Variants in VPS37A observed in about 807,000 individuals in gnomAD.
VPS37A encodes VPS37A subunit of ESCRT-I, also known as vacuolar protein sorting-associated protein 37A.
A neutral mutation model predicts 49.8 loss-of-function variants in VPS37A; 30 were observed. The ratio of observed to expected loss-of-function variants is 0.60; its 90% CI spans 0.45 to 0.82. The LOEUF is 0.82. Among genes scored for constraint, VPS37A ranks in the 40% least tolerant of loss-of-function variants. The pLI, the probability that VPS37A is intolerant of heterozygous loss-of-function variation, is 0.00. For missense variants in VPS37A, 593 were observed against 464.4 expected (o/e 1.28, Z -2.55); for synonymous variants, 195 against 160.6 (o/e 1.21, Z -1.62).
At chr8:17,311,878 G>A in the VPS37A span, 6 of 508,892 alleles carry the variant, frequency 1.2e-5, no homozygotes, top group Admixed American at 3.4e-5. Flanking sequence ...TCCAATAAGC[G>A]CATGTACTTA....
At chr8:17,286,031 G>A (rs868180265) in intron 10 of VPS37A, among the ~76,000 whole-genome samples, 4 of 152,022 alleles carry the variant, frequency 2.6e-5, no homozygotes, top group South Asian at 4.1e-4. Flanking sequence ...CTGCCCAGTC[G>A]ACTGGGCTGA....
At chr8:17,249,285 T>C (rs2150340432) in intron 1 of VPS37A, among the ~76,000 whole-genome samples, 1 of 152,328 alleles carries the variant, frequency 6.6e-6, no homozygotes, top group Non-Finnish European at 1.5e-5. Context: ...ATTGTTAATG[T>C]AAAGAGTTCT....
At chr8:17,273,203 C>G (rs1420683214) in intron 4 of VPS37A, among the ~76,000 whole-genome samples, 1 of 151,818 alleles carries the variant, frequency 6.6e-6, no homozygotes, top group Non-Finnish European at 1.5e-5. Flanking sequence ...TGTTTTCTAA[C>G]CCTCCCTCAA....
chr8:17,296,745 AAAG>A lies in VPS37A; in HGVS notation c.*1762_*1764del, dbSNP rs1157404143. The stretch of plus-strand genomic sequence containing the variant: ...CCTTTTCACCAGAAAAACAGAAAAA[AAAG>A]AAACATTTTCTTACAGAGTAAAAAT... On this transcript the variant is annotated 3_prime_UTR_variant, in exon 12 of 12. Transcript: ENST00000324849. 6.6e-6 allele frequency: 1 copy of A among 152,250 alleles called. No homozygotes were observed. Among genetic ancestry groups the A allele is most frequent in the Non-Finnish European group, 1.5e-5 (1 of 68,036 alleles). 9.4% of individuals were successfully genotyped at this position (152,250 alleles called of 1,614,324 possible).
At chr8:17,283,330 AT>A (rs1815273540) in intron 9 of VPS37A, among the ~76,000 whole-genome samples, 1 of 151,930 alleles carries the variant, frequency 6.6e-6, no homozygotes, top group African/African-American at 2.4e-5. Context: ...TAATTTTTGT[AT>A]TTTTTGTAGA....
Position 17,281,919 on chromosome 8 carries a change from T to C in VPS37A, c.969+1476T>C, listed in dbSNP as rs909185879. ...TTTTCTAAGACTATTTAGAGCAGCA[T>C]AGAATATTCATTGAATGAAAGATCC... On this transcript the variant is annotated intron_variant, in intron 9 of 11. Transcript: ENST00000324849. 1.3e-4 allele frequency among the ~76,000 whole-genome samples: 20 copies of C among 152,094 alleles called. 1 individual carries two copies. Among genetic ancestry groups the C allele is most frequent in the African/African-American group, 4.8e-4 (20 of 41,464 alleles).
chr8:17,247,640 C>G (rs1438980959), intron 1 of VPS37A: 6 of 704,214 alleles, frequency 8.5e-6, no homozygotes, highest in African/African-American at 3.5e-5. Flanking sequence ...TGTAATCTCT[C>G]AATCTCTCTC....
intron 1 of VPS37A, among the ~76,000 whole-genome samples, chr8:17,249,931 A>G (rs1388761033): frequency 1.3e-5 from 2 of 152,204 alleles, no homozygotes; most frequent in Non-Finnish European, 2.9e-5. Context: ...ATTGGACAAA[A>G]AGAGTATGGT....
intron 1 of VPS37A, among the ~76,000 whole-genome samples, chr8:17,264,594 A>G (rs530647169): frequency 2.6e-5 from 4 of 152,234 alleles, no homozygotes; most frequent in East Asian, 1.9e-4. Context: ...CTTTTAAGCT[A>G]TCTTAAGATT....
chr8:17,271,483 G>GT (rs1813986398), intron 4 of VPS37A, among the ~76,000 whole-genome samples: 1 of 152,118 alleles, frequency 6.6e-6, no homozygotes. Context: ...GTGGGCACCT[G>GT]TAGTCCCAGC....
downstream of VPS37A, chr8:17,299,772 A>G (rs902161286): frequency 1.8e-5 from 28 of 1,534,204 alleles, no homozygotes; most frequent in Non-Finnish European, 2.4e-5. Flanking sequence ...GACATGCACC[A>G]TTTCCTGTTT....
At chr8:17,313,221 G>A in the VPS37A span, 1 of 1,136,382 alleles carries the variant, frequency 8.8e-7, no homozygotes, top group Non-Finnish European at 1.3e-6. Context: ...GCCCATGGCA[G>A]AGGGATACCC....
At chr8:17,258,116 T>C (rs894308828) in intron 1 of VPS37A, among the ~76,000 whole-genome samples, 1 of 152,208 alleles carries the variant, frequency 6.6e-6, no homozygotes, top group East Asian at 1.9e-4. Flanking sequence ...TTAACTTCTC[T>C]TTTCCATTTT....
chr8:17,329,785 A>G, the VPS37A span, among the ~76,000 whole-genome samples: 13 of 152,360 alleles, frequency 8.5e-5, no homozygotes, highest in East Asian at 3.9e-4. Context: ...CAAACTCTGC[A>G]TGATAATCTC....
chr8:17,307,541 T>A, the VPS37A span, among the ~76,000 whole-genome samples: 2 of 150,952 alleles, frequency 1.3e-5, no homozygotes, highest in Admixed American at 6.6e-5. Context: ...ACTGGGTATA[T>A]ACCCAAAGGA....
the VPS37A span, among the ~76,000 whole-genome samples, chr8:17,330,426 G>A: frequency 6.6e-6 from 1 of 152,222 alleles, no homozygotes; most frequent in Admixed American, 6.5e-5. Context: ...GCCGGAAGTG[G>A]TAGACTACAG....
chr8:17,307,155 AAATCCAG>A, downstream of VPS37A, among the ~76,000 whole-genome samples: 1 of 152,316 alleles, frequency 6.6e-6, no homozygotes, highest in East Asian at 1.9e-4. Flanking sequence ...CAAAGGGCTA[AAATCCAG>A]AATCTAAAAT....
intron 4 of VPS37A, among the ~76,000 whole-genome samples, chr8:17,273,736 G>A (rs566490709): frequency 1.1e-4 from 16 of 151,834 alleles, no homozygotes; most frequent in African/African-American, 3.9e-4. Context: ...TTCTACTGTG[G>A]CTTATTTTTC....
chr8:17,328,574 G>C, the VPS37A span, among the ~76,000 whole-genome samples: 2 of 152,086 alleles, frequency 1.3e-5, no homozygotes, highest in Non-Finnish European at 2.9e-5. Context: ...TGGCGGGGGT[G>C]GGGGAGTGGA....
Sources: gnomAD v4.1 joint callset for allele counts (sites outside exome capture counted in the v4.1 genomes callset) on GRCh38, gnomAD v4.1.1 for gene constraint, MANE v1.5 for transcripts, NCBI Gene and HGNC (gene_info 2026-07-23, HGNC 2026-07-21) for gene names.